Variants in AFG2A observed in about 807,000 individuals in gnomAD.
AFG2A encodes AAA ATPase AFG2A.
the AFG2A span, among the ~76,000 whole-genome samples, chr4:123,187,619 T>C: frequency 3.3e-5 from 5 of 152,130 alleles, no homozygotes; most frequent in African/African-American, 1.2e-4. Context: ...TATCATTTGG[T>C]TATTTTTATA....
chr4:123,184,500 A>C, the AFG2A span, among the ~76,000 whole-genome samples: 1 of 139,176 alleles, frequency 7.2e-6, no homozygotes, highest in Non-Finnish European at 1.6e-5. Context: ...TATAAAGTGC[A>C]TTCCTTTTAG....
the AFG2A span, among the ~76,000 whole-genome samples, chr4:123,148,198 C>G: frequency 6.6e-6 from 1 of 152,152 alleles, no homozygotes; most frequent in South Asian, 2.1e-4. Flanking sequence ...ACTATTTAAA[C>G]ATGGGTACAT....
chr4:123,245,004 G>A, the AFG2A span, among the ~76,000 whole-genome samples: 3 of 152,204 alleles, frequency 2.0e-5, no homozygotes, highest in African/African-American at 7.2e-5. Flanking sequence ...GAAAATGACA[G>A]TTTCTTTGTA....
chr4:123,083,730 T>G, the AFG2A span, among the ~76,000 whole-genome samples: 31 of 151,986 alleles, frequency 2.0e-4, no homozygotes, highest in Non-Finnish European at 3.7e-4. Flanking sequence ...TAAGATTTTG[T>G]TGAGGATTGT....
chr4:123,246,133 G>A, the AFG2A span, among the ~76,000 whole-genome samples: 2 of 152,190 alleles, frequency 1.3e-5, no homozygotes, highest in Admixed American at 6.5e-5. Flanking sequence ...GAATAATTAC[G>A]AATCTATTTA....
chr4:123,156,118 GGGA>G, the AFG2A span, among the ~76,000 whole-genome samples: 1 of 152,102 alleles, frequency 6.6e-6, no homozygotes, highest in Non-Finnish European at 1.5e-5. Flanking sequence ...GTAATTTAAA[GGGA>G]CTAACACCCA....
the AFG2A span, among the ~76,000 whole-genome samples, chr4:122,945,803 T>C: frequency 6.6e-6 from 1 of 152,210 alleles, no homozygotes; most frequent in Non-Finnish European, 1.5e-5. Context: ...CCCCGAACTT[T>C]TTGTTTTTTA....
the AFG2A span, among the ~76,000 whole-genome samples, chr4:123,089,784 C>T: frequency 3.3e-5 from 5 of 152,034 alleles, no homozygotes; most frequent in Non-Finnish European, 7.4e-5. Context: ...GACGGGGTTT[C>T]GCCATGTTGG....
chr4:123,239,215 C>G, the AFG2A span, among the ~76,000 whole-genome samples: 1 of 152,136 alleles, frequency 6.6e-6, no homozygotes, highest in Non-Finnish European at 1.5e-5. Flanking sequence ...ATTGGTGTAC[C>G]TGAAAGTCAC....
the AFG2A span, chr4:123,056,259 ATGCT>A: frequency 2.5e-6 from 2 of 804,882 alleles, no homozygotes; most frequent in Non-Finnish European, 3.7e-6. Flanking sequence ...GAAAATAAGC[ATGCT>A]AAAGGGATTA....
chr4:123,251,469 C>T, the AFG2A span, among the ~76,000 whole-genome samples: 17 of 152,038 alleles, frequency 1.1e-4, no homozygotes, highest in Non-Finnish European at 1.9e-4. Context: ...CATTTAGAAA[C>T]CCCAGATTTC....
At chr4:123,091,440 GA>G in the AFG2A span, among the ~76,000 whole-genome samples, 1 of 152,076 alleles carries the variant, frequency 6.6e-6, no homozygotes, top group Non-Finnish European at 1.5e-5. Flanking sequence ...TATTTCTCTA[GA>G]GAATTGAAGT....
chr4:123,289,348 G>A, the AFG2A span, among the ~76,000 whole-genome samples: 3 of 152,102 alleles, frequency 2.0e-5, no homozygotes, highest in African/African-American at 7.2e-5. Flanking sequence ...ACGTTACTTT[G>A]TTATTTTTTC....
chr4:122,974,496 C>T, the AFG2A span, among the ~76,000 whole-genome samples: 2 of 152,184 alleles, frequency 1.3e-5, no homozygotes, highest in African/African-American at 4.8e-5. Flanking sequence ...ATAGATACTC[C>T]TCAACTTATG....
chr4:123,264,845 T>C, the AFG2A span, among the ~76,000 whole-genome samples: 1 of 152,172 alleles, frequency 6.6e-6, no homozygotes, highest in Non-Finnish European at 1.5e-5. Context: ...CTTTCAAGTG[T>C]TAAAAATCTG....
the AFG2A span, among the ~76,000 whole-genome samples, chr4:123,252,698 A>G: frequency 1.3e-5 from 2 of 152,334 alleles, no homozygotes; most frequent in African/African-American, 4.8e-5. Flanking sequence ...AGACTTGTGT[A>G]AACCTGTGAA....
At chr4:123,180,619 A>G in the AFG2A span, among the ~76,000 whole-genome samples, 1 of 152,204 alleles carries the variant, frequency 6.6e-6, no homozygotes, top group Non-Finnish European at 1.5e-5. Flanking sequence ...CCCACTTGAC[A>G]TGATTCTAAA....
At chr4:123,274,712 GA>G in the AFG2A span, among the ~76,000 whole-genome samples, 1 of 151,932 alleles carries the variant, frequency 6.6e-6, no homozygotes, top group African/African-American at 2.4e-5. Flanking sequence ...CATATGTTTT[GA>G]GAGGCTGTCT....
the AFG2A span, among the ~76,000 whole-genome samples, chr4:123,063,564 G>A: frequency 6.6e-6 from 1 of 152,102 alleles, no homozygotes; most frequent in Non-Finnish European, 1.5e-5. Context: ...GGCTAAGATG[G>A]TGAAACCCCG....
Sources: allele counts gnomAD v4.1 joint callset (sites outside exome capture counted in the v4.1 genomes callset), GRCh38; gene constraint gnomAD v4.1.1; transcripts MANE v1.5; gene names NCBI Gene and HGNC (gene_info 2026-07-23, HGNC 2026-07-21).